Variants in PRDM16 observed in about 807,000 individuals in gnomAD.
PRDM16 encodes the protein histone-lysine N-methyltransferase PRDM16.
Under a neutral mutation model 110.6 loss-of-function variants are expected in PRDM16, and 23 were observed. That is an observed-to-expected ratio of 0.21 (90% CI 0.15 to 0.29). The LOEUF (loss-of-function observed/expected upper bound fraction) is 0.29. Ranked by LOEUF, PRDM16 falls within the 10% of genes least tolerant of loss-of-function variation. The probability of loss-of-function intolerance (pLI) is 1.00; values close to 1 mark genes in which losing one functional copy is unlikely to be tolerated. For missense variants in PRDM16, 1,615 were observed against 1,794.3 expected (o/e 0.90, Z 1.81); for synonymous variants, 799 against 781.8 (o/e 1.02, Z -0.37).
chr1:3,377,752 G>A (rs1643019119), intron 3 of PRDM16, among the ~76,000 whole-genome samples: 1 of 152,226 alleles, frequency 6.6e-6, no homozygotes, highest in Non-Finnish European at 1.5e-5. Flanking sequence ...ACCTGCTAAA[G>A]CCGGCCGTGT....
At chr1:3,134,686 C>T (rs1643401412) in intron 1 of PRDM16, among the ~76,000 whole-genome samples, 1 of 152,276 alleles carries the variant, frequency 6.6e-6, no homozygotes, top group African/African-American at 2.4e-5. Context: ...TCAACATCGG[C>T]ACCTAGAGTG....
At chr1:3,403,748 G>A (rs1038117982) in intron 6 of PRDM16, among the ~76,000 whole-genome samples, 1 of 152,200 alleles carries the variant, frequency 6.6e-6, no homozygotes, top group African/African-American at 2.4e-5. Flanking sequence ...AGGAGCTATG[G>A]AGACTTTTCC....
At chr1:3,087,438 G>A (rs1254652421) in intron 1 of PRDM16, among the ~76,000 whole-genome samples, 2 of 152,230 alleles carry the variant, frequency 1.3e-5, no homozygotes, top group East Asian at 1.9e-4. Flanking sequence ...TGGATCGGCC[G>A]GCAGGAAGTT....
At chr1:3,381,592 T>C (rs1445508473) in intron 3 of PRDM16, among the ~76,000 whole-genome samples, 1 of 152,084 alleles carries the variant, frequency 6.6e-6, no homozygotes, top group Non-Finnish European at 1.5e-5. Context: ...GGTTTCCCCA[T>C]GTTGGCCAGC....
Position 3,339,866 on chromosome 1 carries a change from C to T in PRDM16, c.439-45286C>T, listed in dbSNP as rs768264871. On this transcript the variant is annotated intron_variant, in intron 3 of 16. Transcript: ENST00000270722. The surrounding 1 kb of genome is among the most constrained non-coding windows in gnomAD (Gnocchi z 5.0). The stretch of plus-strand genomic sequence containing the variant: ...TGGCCAGGGCCGGTGCTAGGGCAGC[C>T]CAGCTCAGTCCCATAGGAAGATGCG... Among the ~76,000 whole-genome samples the T allele has an allele frequency of 2.6e-5, 4 of 152,214 alleles. No individual in the cohort carries two copies. Among genetic ancestry groups the T allele is most frequent in the Admixed American group, 6.5e-5 (1 of 15,286 alleles).
chr1:3,424,260 G>T (rs1464603556), intron 12 of PRDM16, among the ~76,000 whole-genome samples: 3 of 152,188 alleles, frequency 2.0e-5, no homozygotes, highest in Non-Finnish European at 2.9e-5. Flanking sequence ...TGTCGCTCAG[G>T]CCCCCTAGTT....
At chr1:3,372,316 C>A (rs1178199732) in intron 3 of PRDM16, among the ~76,000 whole-genome samples, 1 of 152,246 alleles carries the variant, frequency 6.6e-6, no homozygotes, top group Non-Finnish European at 1.5e-5. Context: ...TGCAAGCCAG[C>A]TATTTTAGGG....
intron 3 of PRDM16, among the ~76,000 whole-genome samples, chr1:3,293,763 C>T (rs72632166): frequency 0.027 from 4,061 of 152,274 alleles, 77 homozygotes; most frequent in Middle Eastern, 0.071. Context: ...TCAGTGGTCG[C>T]CAGGGGTCCG....
chr1:3,183,785 T>C (rs1406449130), intron 1 of PRDM16, among the ~76,000 whole-genome samples: 1 of 152,238 alleles, frequency 6.6e-6, no homozygotes, highest in Non-Finnish European at 1.5e-5. Context: ...GCAACGGATA[T>C]GCACTTGATG....
chr1:3,247,323 G>A (rs1210043633), intron 3 of PRDM16, among the ~76,000 whole-genome samples: 1 of 152,216 alleles, frequency 6.6e-6, no homozygotes, highest in Non-Finnish European at 1.5e-5. Flanking sequence ...TTGTGAGGAA[G>A]CCACGGTTAG....
At chr1:3,401,632 CAT>C (rs142915850) in intron 5 of PRDM16, among the ~76,000 whole-genome samples, 7,558 of 152,306 alleles carry the variant, frequency 0.05, 359 homozygotes, top group Admixed American at 0.15. Flanking sequence ...TGTTCACACA[CAT>C]ATTCACATGC....
intron 2 of PRDM16, among the ~76,000 whole-genome samples, chr1:3,195,285 C>A (rs1015644863): frequency 6.6e-6 from 1 of 152,164 alleles, no homozygotes; most frequent in Non-Finnish European, 1.5e-5. Context: ...CAGCCCTAGA[C>A]GTTTTTAGCC....
At chr1:3,217,520 G>A (rs773914912) in intron 2 of PRDM16, among the ~76,000 whole-genome samples, 4 of 152,220 alleles carry the variant, frequency 2.6e-5, no homozygotes, top group Non-Finnish European at 4.4e-5. Flanking sequence ...GATGAAAGTG[G>A]ATCTCAAGAG....
At chr1:3,177,294 C>T (rs766071790) in intron 1 of PRDM16, among the ~76,000 whole-genome samples, 1 of 152,234 alleles carries the variant, frequency 6.6e-6, no homozygotes, top group Non-Finnish European at 1.5e-5. Context: ...CCACCCATAC[C>T]TCTTCTGCTG....
At chr1:3,093,392 G>A (rs2100602191) in intron 1 of PRDM16, among the ~76,000 whole-genome samples, 1 of 152,330 alleles carries the variant, frequency 6.6e-6, no homozygotes, top group South Asian at 2.1e-4. Context: ...AGACTGGGGT[G>A]CAGCTGGGAC....
intron 3 of PRDM16, among the ~76,000 whole-genome samples, chr1:3,297,748 CAG>C (rs761423073): frequency 2.8e-4 from 42 of 152,250 alleles, no homozygotes; most frequent in Middle Eastern, 3.4e-3. Flanking sequence ...CGGCAGGAAA[CAG>C]GGGACAGGGA....
chr1:3,182,747 C>G (rs1030419474), intron 1 of PRDM16, among the ~76,000 whole-genome samples: 3 of 152,182 alleles, frequency 2.0e-5, no homozygotes, highest in Admixed American at 6.5e-5. Flanking sequence ...ATGACGATCG[C>G]TCATACGTGT....
chr1:3,118,074 T>C (rs1018382438), intron 1 of PRDM16, among the ~76,000 whole-genome samples: 1 of 150,948 alleles, frequency 6.6e-6, no homozygotes, highest in African/African-American at 2.4e-5. Context: ...TGCATGTGTG[T>C]GTGCGTGCAT....
intron 2 of PRDM16, among the ~76,000 whole-genome samples, chr1:3,238,426 T>C (rs920729702): frequency 2.0e-5 from 3 of 152,220 alleles, no homozygotes; most frequent in Non-Finnish European, 4.4e-5. Context: ...GAGAAGTAAC[T>C]GTTTAGGCAT....
Sources: allele counts gnomAD v4.1 joint callset (sites outside exome capture counted in the v4.1 genomes callset), GRCh38; gene constraint gnomAD v4.1.1; non-coding constraint Gnocchi (gnomAD v3.1); transcripts MANE v1.5; gene names NCBI Gene and HGNC (gene_info 2026-07-23, HGNC 2026-07-21).